CRBN: variants seen among roughly 807,000 people sequenced by gnomAD.
CRBN encodes the protein cereblon.
In CRBN, 53 loss-of-function variants were observed where a neutral mutation model predicts 62.2. The observed-to-expected ratio is 0.85, with a 90% confidence interval of 0.68 to 1.07. The LOEUF is 1.07. Ranked by LOEUF, CRBN falls within the 50% of genes least tolerant of loss-of-function variation. The pLI is 0.00. For missense variants in CRBN, 616 were observed against 531.1 expected (o/e 1.16, Z -1.57); for synonymous variants, 208 against 176.1 (o/e 1.18, Z -1.43).
Position 3,152,513 on chromosome 3 carries a change from T to A in CRBN, c.1091A>T (p.Lys364Met), listed in dbSNP as rs762731331. Reference sequence around the variant, plus strand: ...GCCTATCAGATTCAAGTTGCAAGCCTTATACACAGTAAGTGTCTCATGCAC... The same window carrying A: ...GCCTATCAGATTCAAGTTGCAAGCCATATACACAGTAAGTGTCTCATGCAC... Reference protein sequence around the residue: ...GYVHETLTVYKACNLNLIGRP... With the variant: ...GYVHETLTVYMACNLNLIGRP... The change falls in exon 10 of 11, where the codon AAG becomes ATG. Residue 364 changes from lysine to methionine, a missense_variant. By Grantham distance (95) the Lys-to-Met change is moderately conservative. Transcript: ENST00000231948. 8 of 1,613,900 alleles carry A rather than the reference T, an allele frequency of 5.0e-6. No individual in the cohort carries two copies. Among genetic ancestry groups the A allele is most frequent in the Non-Finnish European group, 5.9e-6 (7 of 1,179,982 alleles).
At chr3:3,156,380 C>T in intron 5 of CRBN, 99 bp from the exon 6 acceptor site, 2 of 1,065,756 alleles carry the variant, frequency 1.9e-6, no homozygotes, top group Non-Finnish European at 2.8e-6. Flanking sequence ...CCTAGGAAAA[C>T]ATCTAATTTT....
downstream of CRBN, chr3:3,149,928 G>T (rs570695643): frequency 3.9e-5 from 6 of 152,230 alleles, no homozygotes; most frequent in Middle Eastern, 3.4e-3. Context: ...TTGAATATAA[G>T]CAAAGAGGTA....
chr3:3,166,733 GA>G (rs1297058235), intron 5 of CRBN, among the ~76,000 whole-genome samples: 1 of 152,074 alleles, frequency 6.6e-6, no homozygotes, highest in Non-Finnish European at 1.5e-5. Flanking sequence ...AGTTTTCACT[GA>G]AAACTGGAGG....
At chr3:3,170,123 G>T (rs1707542955) in intron 4 of CRBN, among the ~76,000 whole-genome samples, 1 of 152,064 alleles carries the variant, frequency 6.6e-6, no homozygotes. Flanking sequence ...GGAATTACAG[G>T]CACAGGCCAC....
At position 3,150,119 on chromosome 3, in the gene CRBN, C is replaced by CTTTTCCCTA. The variant is rs746072169; in HGVS notation, c.*737_*745dup. 1 of 152,114 alleles carries CTTTTCCCTA rather than the reference C, an allele frequency of 6.6e-6. No homozygotes were observed. Among genetic ancestry groups the CTTTTCCCTA allele is most frequent in the Non-Finnish European group, 1.5e-5 (1 of 67,992 alleles). The allele number at this position is 152,114 out of a possible 1,614,324, so 9.4% of individuals were successfully genotyped here. A position where few individuals can be genotyped will look rare whatever the true frequency, so the allele number is the denominator to read the frequency against. ...TGGGTGAGGGGACATGTTTTGGCAT[C>CTTTTCCCTA]TTTTCCCTATAGTAGTAGTTTTGGT... On this transcript the variant is annotated 3_prime_UTR_variant, in exon 11 of 11. Transcript: ENST00000231948.
chr3:3,150,952 A>G lies in CRBN; in HGVS notation c.1242T>C (p.Phe414=), dbSNP rs199720401. ...ACAGAGCAGATCGCGTTAAGCCCCA[A>G]AATTTTTGAGGTGACATGTCTTTTT... The part of the protein sequence containing the change: ...ATKKDMSPQK[F]WGLTRSALLP... Residue 414 remains phenylalanine, a synonymous_variant, in exon 11 of 11, where the codon TTT becomes TTC. Transcript: ENST00000231948. 4.3e-3 allele frequency: 6,930 copies of G among 1,614,022 alleles called. 324 individuals carry two copies. In the South Asian group the frequency reaches 0.071, roughly 17 times the overall value.
intron 5 of CRBN, among the ~76,000 whole-genome samples, chr3:3,159,332 C>T (rs965432614): frequency 6.6e-6 from 1 of 151,948 alleles, no homozygotes; most frequent in African/African-American, 2.4e-5. Context: ...TACAAAATGA[C>T]AAAGACCCAA....
intron 5 of CRBN, among the ~76,000 whole-genome samples, chr3:3,163,437 A>G (rs1707215124): frequency 6.8e-6 from 1 of 148,104 alleles, no homozygotes; most frequent in African/African-American, 2.4e-5. Context: ...TTCTTGTCTT[A>G]TTAAGCCAGT....
chr3:3,152,522 G>GT lies in CRBN; in HGVS notation c.1081dup (p.Thr361AsnfsTer4). 3 of 1,613,880 alleles carry GT rather than the reference G, an allele frequency of 1.9e-6. No individual in the cohort carries two copies. Among genetic ancestry groups the GT allele is most frequent in the South Asian group, 1.1e-5 (1 of 91,060 alleles). On this transcript the variant is annotated frameshift_variant, in exon 10 of 11. Coordinates refer to ENST00000231948, the MANE Select transcript of CRBN (RefSeq NM_016302.4). LOFTEE classifies it high-confidence loss of function. ...ATTCAAGTTGCAAGCCTTATACACA[G>GT]TAAGTGTCTCATGCACATATCCATG...
intron 5 of CRBN, 42 bp from the exon 6 acceptor site, chr3:3,156,323 T>A: frequency 6.5e-7 from 1 of 1,531,226 alleles, no homozygotes. Flanking sequence ...CCCCACAGAA[T>A]AAAGATTCTA....
intron 5 of CRBN, 104 bp from the exon 6 acceptor site, chr3:3,156,385 A>G (rs1429656404): frequency 9.9e-7 from 1 of 1,008,898 alleles, no homozygotes; most frequent in Non-Finnish European, 1.5e-6. Context: ...GAAAACATCT[A>G]ATTTTAAAAA....
chr3:3,175,386 C>T (rs1707793007), intron 1 of CRBN, 117 bp from the exon 2 acceptor site: 1 of 760,840 alleles, frequency 1.3e-6, no homozygotes, highest in Non-Finnish European at 2.2e-6. Flanking sequence ...GTAAACTCTA[C>T]AGCACCGTGA....
chr3:3,178,172 C>A (rs896678378), intron 1 of CRBN, among the ~76,000 whole-genome samples: 1 of 152,180 alleles, frequency 6.6e-6, no homozygotes. Context: ...GGATTTGGCA[C>A]AGAGAGTAGG....
intron 10 of CRBN, 106 bp from the exon 11 acceptor site, chr3:3,151,151 A>T: frequency 8.6e-7 from 1 of 1,163,468 alleles, no homozygotes; most frequent in Non-Finnish European, 1.2e-6. Context: ...TCTAAGGATT[A>T]GAGATTCTAA....
Position 3,154,052 on chromosome 3 carries a change from A to G in CRBN, c.859T>C (p.Cys287Arg). The G allele has an allele frequency of 6.2e-7, 1 of 1,612,682 alleles. No individual in the cohort carries two copies. Among genetic ancestry groups the G allele is most frequent in the East Asian group, 2.2e-5 (1 of 44,856 alleles). ...PIDFSYRVAA[C>R]LPIDDVLRIQ... Reference sequence around the variant, plus strand: ...CTCAATACATCATCAATAGGAAGACAAGCAGCTACTCTGTAAGAAAAATCT... The same window carrying G: ...CTCAATACATCATCAATAGGAAGACGAGCAGCTACTCTGTAAGAAAAATCT... Residue 287 changes from cysteine to arginine, a missense_variant, in exon 8 of 11, where the codon TGT (cysteine) becomes CGT (arginine). Coordinates refer to ENST00000231948, the MANE Select transcript of CRBN (RefSeq NM_016302.4).
At chr3:3,177,521 T>A (rs937018254) in intron 1 of CRBN, among the ~76,000 whole-genome samples, 1 of 152,230 alleles carries the variant, frequency 6.6e-6, no homozygotes, top group Non-Finnish European at 1.5e-5. Flanking sequence ...GCTATCTAAA[T>A]GGATGACAAA....
chr3:3,157,510 C>T (rs1411488014), intron 5 of CRBN, among the ~76,000 whole-genome samples: 4 of 152,188 alleles, frequency 2.6e-5, no homozygotes, highest in Non-Finnish European at 5.9e-5. Context: ...GAAGACCCTA[C>T]TCCTGCACCT....
At chr3:3,160,799 G>A (rs759265176) in intron 5 of CRBN, among the ~76,000 whole-genome samples, 2 of 152,154 alleles carry the variant, frequency 1.3e-5, no homozygotes, top group African/African-American at 2.4e-5. Context: ...ACAATATGAT[G>A]ATGGCACACA....
intron 1 of CRBN, 139 bp downstream of exon 1, chr3:3,179,482 G>A: frequency 1.3e-6 from 1 of 752,098 alleles, no homozygotes; most frequent in East Asian, 2.7e-5. Context: ...CCGACGTGAA[G>A]CAGCTTTCCG....
Sources: gnomAD v4.1 joint callset for allele counts (sites outside exome capture counted in the v4.1 genomes callset) on GRCh38, gnomAD v4.1.1 for gene constraint, MANE v1.5 for transcripts, NCBI Gene and HGNC (gene_info 2026-07-23, HGNC 2026-07-21) for gene names.